Variants in PDE4C observed in about 807,000 individuals in gnomAD.
PDE4C encodes the protein phosphodiesterase 4C, also known as 3',5'-cyclic-AMP phosphodiesterase 4C.
A neutral mutation model predicts 63.9 loss-of-function variants in PDE4C; 50 were observed. The observed-to-expected ratio is 0.78, with a 90% confidence interval of 0.62 to 0.99. The LOEUF is 0.99. PDE4C is among the 50% of genes least tolerant of loss of function. The probability of loss-of-function intolerance (pLI) is 0.00; values close to 1 mark genes in which losing one functional copy is unlikely to be tolerated. For synonymous variants in PDE4C, 377 were observed against 385.1 expected (o/e 0.98, Z 0.25); for missense variants, 777 against 899.1 (o/e 0.86, Z 1.74).
chr19:18,229,179 A>AT (rs948652836), upstream of PDE4C, among the ~76,000 whole-genome samples: 1 of 143,160 alleles, frequency 7.0e-6, no homozygotes, highest in African/African-American at 2.6e-5. Flanking sequence ...CGAACTCCTG[A>AT]CTTCAGGTGA....
chr19:18,225,095 T>C (rs886590036), intron 1 of PDE4C, among the ~76,000 whole-genome samples: 2 of 152,192 alleles, frequency 1.3e-5, no homozygotes, highest in African/African-American at 4.8e-5. Flanking sequence ...GCTGTTTTTC[T>C]TTCTGCTCTA....
chr19:18,226,484 CGGGGCCCAGCGGGGA>C, upstream of PDE4C: 18 of 1,256,606 alleles, frequency 1.4e-5, no homozygotes, highest in Non-Finnish European at 1.8e-5. Context: ...GCTGCGGGGG[CGGGGCCCAGCGGGGA>C]GGGGGCAAAG....
upstream of PDE4C, among the ~76,000 whole-genome samples, chr19:18,236,403 A>G (rs1968951619): frequency 1.3e-5 from 2 of 151,756 alleles, no homozygotes; most frequent in Non-Finnish European, 2.9e-5. Context: ...TTGTATTTTT[A>G]CTAGAGACAG....
intron 1 of PDE4C, chr19:18,225,924 C>T: frequency 9.2e-6 from 2 of 216,884 alleles, no homozygotes; most frequent in East Asian, 1.3e-4. Flanking sequence ...GCACAGCCTG[C>T]CTGCCCCAGG....
rs1968399381 is a variant in PDE4C at position 18,220,287 on chromosome 19, G to A, written c.645C>T (p.His215=). The change falls in exon 7 of 15, where the codon CAC becomes CAT. Residue 215 remains histidine, a synonymous_variant. Transcript: ENST00000262805. The surrounding 1 kb of genome is among the most constrained non-coding windows in gnomAD (Gnocchi z 5.1). ...TCCCGGAGCGGCTGGTTTCGGACAG[G>A]TGGGTCAACTCCCGGTTCAGGATCC... The A allele has an allele frequency of 1.9e-6, 3 of 1,614,152 alleles. No individual in the cohort carries two copies. Among genetic ancestry groups the A allele is most frequent in the Non-Finnish European group, 2.5e-6 (3 of 1,180,038 alleles).
chr19:18,213,672 G>A (rs1375833052), intron 12 of PDE4C, among the ~76,000 whole-genome samples, 182 bp from the exon 13 acceptor site: 1 of 152,236 alleles, frequency 6.6e-6, no homozygotes, highest in African/African-American at 2.4e-5. Context: ...GGCTCAGTCA[G>A]GGGCCCCTTT....
rs552094016 is a variant in PDE4C, at chr19:18,213,444, A to C, written c.1436T>G (p.Leu479Arg). ...CTTCTTGGTCTCCACCATGGTCTTGAGGTCGGCCAGGAGGTTCATGTGTTT... is the reference window on the plus strand; with the variant it reads ...CTTCTTGGTCTCCACCATGGTCTTGCGGTCGGCCAGGAGGTTCATGTGTTT... Residue 479 changes from leucine (L) to arginine (R), a missense_variant, in exon 13 of 15, where the codon CTC (leucine) becomes CGC (arginine). Coordinates refer to ENST00000262805, the Ensembl canonical transcript of PDE4C. 9 of 1,613,626 alleles carry C rather than the reference A, an allele frequency of 5.6e-6. No individual in the cohort carries two copies. The South Asian group carries it at 9.9e-5, about 18-fold the overall frequency.
At chr19:18,233,268 C>CG in exon 1 of PDE4C, 1 of 1,534,782 alleles carries the variant, frequency 6.5e-7, no homozygotes, top group Non-Finnish European at 8.7e-7. Context: ...CGTCTGCTCC[C>CG]GGGTCCGGCC....
chr19:18,233,232 C>A (rs758994819), exon 1 of PDE4C: 1 of 1,546,566 alleles, frequency 6.5e-7, no homozygotes. Context: ...GAGCAGGACT[C>A]GTCCCCGTGA....
At chr19:18,218,550 A>C in intron 9 of PDE4C, 52 bp from the exon 10 acceptor site, 1 of 1,598,066 alleles carries the variant, frequency 6.3e-7, no homozygotes. Flanking sequence ...GCTGCAGCAC[A>C]CGCTGTTCCT....
At chr19:18,241,174 A>C (rs1969028685) in intron 1 of PDE4C, among the ~76,000 whole-genome samples, 1 of 150,370 alleles carries the variant, frequency 6.7e-6, no homozygotes, top group African/African-American at 2.4e-5. Flanking sequence ...GGGGACAGTT[A>C]GCATCTCCCA....
upstream of PDE4C, chr19:18,226,586 C>A: frequency 1.0e-5 from 4 of 391,892 alleles, no homozygotes; most frequent in Non-Finnish European, 1.3e-5. Context: ...GGCACAGAGT[C>A]AGACGCAACT....
intron 1 of PDE4C, among the ~76,000 whole-genome samples, chr19:18,246,315 C>G (rs933115726): frequency 2.1e-4 from 32 of 151,092 alleles, no homozygotes; most frequent in Middle Eastern, 3.4e-3. Context: ...TCCCAAGTAG[C>G]TGGGACTACA....
chr19:18,249,135 A>G (rs1969192463), upstream of PDE4C, among the ~76,000 whole-genome samples: 1 of 152,112 alleles, frequency 6.6e-6, no homozygotes, highest in East Asian at 1.9e-4. Context: ...ACTGTCTCAA[A>G]AAAGAAAAAA....
At chr19:18,252,660 C>T (rs1014609363), upstream of PDE4C, among the ~76,000 whole-genome samples, 3 of 151,950 alleles carry the variant, frequency 2.0e-5, no homozygotes, top group Non-Finnish European at 4.4e-5. Flanking sequence ...CTCTGTCACC[C>T]AGGCTGGAGA....
At chr19:18,233,465 C>G (rs768881293) in exon 1 of PDE4C, 12 of 487,564 alleles carry the variant, frequency 2.5e-5, no homozygotes, top group South Asian at 2.3e-4. Flanking sequence ...CTGAAGAGAC[C>G]CCCCCCCAAC....
upstream of PDE4C, among the ~76,000 whole-genome samples, chr19:18,237,414 G>A (rs1008079982): frequency 2.0e-5 from 3 of 152,078 alleles, no homozygotes; most frequent in African/African-American, 4.8e-5. Flanking sequence ...AGCCAGGCGT[G>A]GTGGTGCATG....
chr19:18,218,397 GT>G lies in PDE4C; in HGVS notation c.1070del (p.Asn357ThrfsTer52), dbSNP rs1568666276. 1 of 1,614,260 alleles carries G rather than the reference GT, an allele frequency of 6.2e-7. No individual in the cohort carries two copies. ...GGGCCACGTCGGCGGCATGTAGGCT[GT>G]TGTGGTAGGCCACATTGGCGTGGTA... On this transcript the variant is annotated frameshift_variant, in exon 10 of 15. Transcript: ENST00000262805. LOFTEE classifies it high-confidence loss of function.
At position 18,219,406 on chromosome 19, in the gene PDE4C, G is replaced by A; in HGVS notation, c.707-9C>T. The A allele has an allele frequency of 6.3e-7, 1 of 1,583,298 alleles. No individual in the cohort carries two copies. The highest frequency in any genetic ancestry group is 8.6e-7 in the Non-Finnish European group (1 of 1,164,444). ...CACCTCGGTCTGCTGGTCTGCGGATGGGCCAGGGTGAAGCTCAGAGAAGCC... is the reference window on the plus strand; with the variant it reads ...CACCTCGGTCTGCTGGTCTGCGGATAGGCCAGGGTGAAGCTCAGAGAAGCC... On this transcript the variant is annotated splice_polypyrimidine_tract_variant and intron_variant, in intron 7 of 14. Coordinates refer to ENST00000262805, the Ensembl canonical transcript of PDE4C.
Sources: gnomAD v4.1 joint callset for allele counts (sites outside exome capture counted in the v4.1 genomes callset) on GRCh38, gnomAD v4.1.1 for gene constraint, Gnocchi (gnomAD v3.1) non-coding constraint, MANE v1.5 for transcripts, NCBI Gene and HGNC (gene_info 2026-07-23, HGNC 2026-07-21) for gene names.